IQGAP1: variants seen among roughly 807,000 people sequenced by gnomAD.
The protein encoded by IQGAP1 is IQ motif containing GTPase activating protein 1, also known as ras GTPase-activating-like protein IQGAP1.
IQGAP1 carries 66 observed loss-of-function variants against 215.6 expected under a neutral mutation model. That is an observed-to-expected ratio of 0.31 (90% CI 0.25 to 0.38). The LOEUF is 0.38. Ranked by LOEUF, IQGAP1 falls within the 10% of genes least tolerant of loss-of-function variation. IQGAP1 has a pLI of 1.00. For synonymous variants in IQGAP1, 772 were observed against 728.7 expected (o/e 1.06, Z -0.96); for missense variants, 1,712 against 1,997.1 (o/e 0.86, Z 2.72).
intron 28 of IQGAP1, chr15:90,483,121 T>C (rs930716420): frequency 2.3e-6 from 1 of 439,544 alleles, no homozygotes; most frequent in African/African-American, 2.0e-5. Context: ...CATTAACTAC[T>C]GGCAGTAGTT....
At chr15:90,483,213 A>C (rs1027367624) in intron 28 of IQGAP1, 148 bp from the exon 29 acceptor site, 6 of 610,838 alleles carry the variant, frequency 9.8e-6, no homozygotes, top group Non-Finnish European at 1.8e-5. Flanking sequence ...GAGTGTGTAT[A>C]TGTGCATGCA....
At chr15:90,465,054 G>A (rs1433211046) in intron 15 of IQGAP1, among the ~76,000 whole-genome samples, 1 of 152,198 alleles carries the variant, frequency 6.6e-6, no homozygotes. Flanking sequence ...AGACTATGCT[G>A]TGAGGCTTTT....
chr15:90,474,736 G>A, intron 23 of IQGAP1, 43 bp downstream of exon 23: 1 of 1,421,270 alleles, frequency 7.0e-7, no homozygotes, highest in Non-Finnish European at 9.9e-7. Flanking sequence ...GGTTCATCCT[G>A]CTTTGTAACC....
chr15:90,388,247 C>G lies in IQGAP1; in HGVS notation c.-95C>G, dbSNP rs141041225. ...GCACGGGGCGGGGCCTCGGGGACCC[C>G]GGCAAGCCCGCGCACTTGGCAGGAG... is the stretch of plus-strand genomic sequence containing the variant. On this transcript the variant is annotated 5_prime_UTR_variant, in exon 1 of 38. Transcript: ENST00000268182. 5.8e-3 allele frequency: 8,292 copies of G among 1,422,980 alleles called. 39 individuals carry two copies. The highest frequency in any genetic ancestry group is 8.4e-3 in the Middle Eastern group (45 of 5,350). The allele number at this position is 1,422,980 out of a possible 1,614,324, so 88.1% of individuals were successfully genotyped here.
chr15:90,479,922 A>C (rs1298381355), intron 26 of IQGAP1, among the ~76,000 whole-genome samples: 1 of 152,046 alleles, frequency 6.6e-6, no homozygotes, highest in Non-Finnish European at 1.5e-5. Flanking sequence ...TTTGCCTGCA[A>C]CCCAGGGCAT....
chr15:90,481,495 C>T (rs1966058759), intron 26 of IQGAP1, among the ~76,000 whole-genome samples: 1 of 152,066 alleles, frequency 6.6e-6, no homozygotes, highest in South Asian at 2.1e-4. Flanking sequence ...TGTCATTTCT[C>T]CTGTCTCCCC....
Position 90,500,215 on chromosome 15 carries a change from A to C in IQGAP1, c.*107A>C. 1.5e-6 allele frequency: 1 copy of C among 660,688 alleles called. No homozygotes were observed. Among genetic ancestry groups the C allele is most frequent in the East Asian group, 2.7e-5 (1 of 36,766 alleles). 40.9% of individuals were successfully genotyped at this position (660,688 alleles called of 1,614,324 possible). A position where few individuals can be genotyped will look rare whatever the true frequency, so the allele number is the denominator to read the frequency against. ...AAGCAAAGACCTAGCCAACAACAGCACCTCAATCTGATACACTCCCGATGC... is the reference window on the plus strand; with the variant it reads ...AAGCAAAGACCTAGCCAACAACAGCCCCTCAATCTGATACACTCCCGATGC... On this transcript the variant is annotated 3_prime_UTR_variant, in exon 38 of 38. Coordinates refer to ENST00000268182, the MANE Select transcript of IQGAP1 (RefSeq NM_003870.4).
intron 9 of IQGAP1, among the ~76,000 whole-genome samples, chr15:90,445,064 G>A (rs887259458): frequency 2.0e-5 from 3 of 152,120 alleles, no homozygotes; most frequent in African/African-American, 7.2e-5. Context: ...TGAGGCTACA[G>A]TGAGCTGTGT....
intron 2 of IQGAP1, among the ~76,000 whole-genome samples, chr15:90,397,141 A>G (rs1964733956): frequency 6.6e-6 from 1 of 152,236 alleles, no homozygotes; most frequent in African/African-American, 2.4e-5. Flanking sequence ...GGCGTGAGCC[A>G]CTGCACCCAG....
At chr15:90,485,593 G>T (rs1246422233) in intron 30 of IQGAP1, among the ~76,000 whole-genome samples, 1 of 151,928 alleles carries the variant, frequency 6.6e-6, no homozygotes, top group African/African-American at 2.4e-5. Context: ...GCACACACCA[G>T]CACGCCCAGC....
At chr15:90,487,640 G>A (rs1206703143) in intron 33 of IQGAP1, 58 bp downstream of exon 33, 5 of 1,158,838 alleles carry the variant, frequency 4.3e-6, no homozygotes, top group South Asian at 1.3e-5. Flanking sequence ...CCCGATAGGC[G>A]CATGTCAGAG....
intron 2 of IQGAP1, among the ~76,000 whole-genome samples, chr15:90,422,691 CAG>C (rs1965164358): frequency 1.6e-5 from 2 of 122,564 alleles, no homozygotes. Context: ...ATTTTTGAGA[CAG>C]AGTTTGTATA....
chr15:90,494,641 C>G (rs1164550287), intron 35 of IQGAP1, 72 bp from the exon 36 acceptor site: 4 of 1,354,850 alleles, frequency 3.0e-6, no homozygotes, highest in African/African-American at 3.0e-5. Flanking sequence ...GACATGTTTC[C>G]TTCAGTTACC....
chr15:90,468,361 A>G (rs1213997857), intron 18 of IQGAP1, among the ~76,000 whole-genome samples: 2 of 151,774 alleles, frequency 1.3e-5, no homozygotes, highest in African/African-American at 4.8e-5. Context: ...CAGCACACCC[A>G]GCCCATTCAA....
Position 90,395,571 on chromosome 15 carries a change from T to C in IQGAP1, c.155+4698T>C, listed in dbSNP as rs374231419. On this transcript the variant is annotated intron_variant, in intron 2 of 37. Coordinates refer to ENST00000268182, the MANE Select transcript of IQGAP1 (RefSeq NM_003870.4). ...TCCTGACCTCGTGATCCGCCCGCCT[T>C]GGCCTCCCACAGTGCTGGGATTACA... Among the ~76,000 whole-genome samples the C allele has an allele frequency of 5.6e-3, 851 of 152,296 alleles. 2 individuals carry two copies. The highest frequency in any genetic ancestry group is 6.8e-3 in the Non-Finnish European group (465 of 68,014).
chr15:90,462,436 C>G (rs950981160), intron 15 of IQGAP1, among the ~76,000 whole-genome samples: 34 of 152,150 alleles, frequency 2.2e-4, no homozygotes, highest in African/African-American at 8.2e-4. Context: ...CTGCTCCATC[C>G]TGATTGGTCA....
At chr15:90,461,997 A>G (rs1288016114) in intron 15 of IQGAP1, among the ~76,000 whole-genome samples, 30 of 11,848 alleles carry the variant, frequency 2.5e-3, no homozygotes, top group African/African-American at 0.022. Context: ...AAAAAAAAAA[A>G]AAGAAAAAAA....
intron 1 of IQGAP1, among the ~76,000 whole-genome samples, chr15:90,389,144 T>C (rs1964598011): frequency 6.6e-6 from 1 of 152,134 alleles, no homozygotes; most frequent in Non-Finnish European, 1.5e-5. Context: ...ACGTGAGGTA[T>C]TGTGCCACGT....
In IQGAP1 at chr15:90,448,594, T is replaced by C. The variant is rs746238520; in HGVS notation, c.935T>C (p.Ile312Thr). 4.4e-6 allele frequency: 7 copies of C among 1,594,574 alleles called. No individual in the cohort carries two copies. The highest frequency in any genetic ancestry group is 2.3e-5 in the East Asian group (1 of 43,888). Residue 312 changes from isoleucine (I) to threonine (T), a missense_variant, in exon 10 of 38, where the codon ATC becomes ACC. By Grantham distance (89) the Ile-to-Thr change is moderately conservative. Coordinates refer to ENST00000268182, the MANE Select transcript of IQGAP1 (RefSeq NM_003870.4). ...KVNTFSALAN[I>T]DLALEQGDAL... The stretch of plus-strand genomic sequence containing the variant: ...TCAGCATTTTCTGCATTAGCAAATA[T>C]CGACCTGGCTTTAGAACAAGGAGAT...
Sources: gnomAD v4.1 joint callset for allele counts (sites outside exome capture counted in the v4.1 genomes callset) on GRCh38, gnomAD v4.1.1 for gene constraint, MANE v1.5 for transcripts, NCBI Gene and HGNC (gene_info 2026-07-23, HGNC 2026-07-21) for gene names.